Variants in SLC13A3 observed in about 807,000 individuals in gnomAD.
SLC13A3 encodes the protein Na(+)/dicarboxylate cotransporter 3.
In SLC13A3, 40 loss-of-function variants were observed where a neutral mutation model predicts 59.0. The observed-to-expected ratio is 0.68, with a 90% CI of 0.53 to 0.88. The LOEUF (loss-of-function observed/expected upper bound fraction) is 0.88, where lower values mean the gene tolerates loss of function less well. SLC13A3 is among the 40% of genes least tolerant of loss of function. SLC13A3 has a pLI of 0.00. For synonymous variants in SLC13A3, 317 were observed against 330.3 expected, an observed-to-expected ratio of 0.96 and a Z score of 0.44; for missense variants, 699 against 783.2, an observed-to-expected ratio of 0.89 and a Z score of 1.28.
At chr20:46,575,547 T>C in intron 10 of SLC13A3, 26 bp downstream of exon 10, 1 of 1,414,982 alleles carries the variant, frequency 7.1e-7, no homozygotes, top group Non-Finnish European at 9.8e-7. Context: ...CTGTTCCTGC[T>C]GGTTGGGGGA....
At chr20:46,672,308 T>G (rs1016158684), upstream of SLC13A3, among the ~76,000 whole-genome samples, 1 of 152,244 alleles carries the variant, frequency 6.6e-6, no homozygotes, top group African/African-American at 2.4e-5. Context: ...GGGTTCCTGG[T>G]GCTGCACCGA....
At chr20:46,563,610 A>AAGAGAGAG (rs372567450) in intron 11 of SLC13A3, 59 bp from the exon 12 acceptor site, 1 of 560,472 alleles carries the variant, frequency 1.8e-6, no homozygotes, top group Non-Finnish European at 2.3e-6. Context: ...CGACCACAGC[A>AAGAGAGAG]AGAGGGAGAG....
At chr20:46,588,427 C>A (rs1054130439) in intron 7 of SLC13A3, among the ~76,000 whole-genome samples, 4 of 152,126 alleles carry the variant, frequency 2.6e-5, no homozygotes, top group African/African-American at 9.7e-5. Context: ...TCGCGTGTTT[C>A]ATTATCACCA....
At chr20:46,572,849 G>T (rs2062042104) in intron 10 of SLC13A3, among the ~76,000 whole-genome samples, 1 of 152,176 alleles carries the variant, frequency 6.6e-6, no homozygotes, top group African/African-American at 2.4e-5. Flanking sequence ...GGAAATCTGT[G>T]ATTCCAATCC....
At chr20:46,582,575 C>A in intron 9 of SLC13A3, 2 of 943,430 alleles carry the variant, frequency 2.1e-6, no homozygotes, top group Non-Finnish European at 2.5e-6. Flanking sequence ...TGCACCCCAG[C>A]CTGGGTGACA....
chr20:46,648,524 C>A (rs1025426697), intron 1 of SLC13A3, among the ~76,000 whole-genome samples: 2 of 152,078 alleles, frequency 1.3e-5, no homozygotes, highest in African/African-American at 4.8e-5. Flanking sequence ...GCAGTGACAT[C>A]TAGAGCCATA....
At chr20:46,612,281 G>A (rs1336455196) in intron 2 of SLC13A3, among the ~76,000 whole-genome samples, 1 of 151,708 alleles carries the variant, frequency 6.6e-6, no homozygotes, top group African/African-American at 2.4e-5. Flanking sequence ...ACAGGCATGC[G>A]CCACCACGCC....
At chr20:46,631,962 A>G (rs931812739) in intron 1 of SLC13A3, among the ~76,000 whole-genome samples, 3 of 152,250 alleles carry the variant, frequency 2.0e-5, no homozygotes, top group East Asian at 3.9e-4. Flanking sequence ...AGGAATTTTC[A>G]GGACACTGCC....
intron 1 of SLC13A3, among the ~76,000 whole-genome samples, chr20:46,617,018 C>T (rs1428165111): frequency 2.0e-5 from 3 of 152,160 alleles, no homozygotes; most frequent in Admixed American, 6.5e-5. Context: ...TTTATGTAAC[C>T]GGTTACCACC....
intron 9 of SLC13A3, 135 bp downstream of exon 9, chr20:46,583,437 A>G (rs554501845): frequency 1.1e-5 from 16 of 1,455,280 alleles, no homozygotes; most frequent in Non-Finnish European, 1.4e-5. Context: ...AGACAAGGCA[A>G]TGGCTCAGAC....
intron 1 of SLC13A3, among the ~76,000 whole-genome samples, chr20:46,640,382 G>A (rs373398953): frequency 3.3e-5 from 5 of 152,120 alleles, no homozygotes; most frequent in Admixed American, 6.5e-5. Context: ...TGGCCTCCCC[G>A]GCTCTGCTCC....
chr20:46,632,904 GATAGATAT>G (rs2062755650), intron 1 of SLC13A3, among the ~76,000 whole-genome samples: 1 of 2,548 alleles, frequency 3.9e-4, no homozygotes, highest in Non-Finnish European at 9.6e-4. Flanking sequence ...TAGATAGATA[GATAGATAT>G]ATCTATCTAT....
chr20:46,664,326 A>C (rs1358591782), intron 1 of SLC13A3, among the ~76,000 whole-genome samples: 1 of 152,196 alleles, frequency 6.6e-6, no homozygotes, highest in Non-Finnish European at 1.5e-5. Context: ...CTCCTGAGTT[A>C]GTACAGAATC....
intron 10 of SLC13A3, among the ~76,000 whole-genome samples, chr20:46,571,716 T>C (rs1248681887): frequency 6.6e-6 from 1 of 151,830 alleles, no homozygotes; most frequent in Non-Finnish European, 1.5e-5. Context: ...GTAGATGTGG[T>C]ATATAGGAAT....
chr20:46,623,013 G>T (rs897578569), intron 1 of SLC13A3, among the ~76,000 whole-genome samples: 3 of 152,128 alleles, frequency 2.0e-5, no homozygotes, highest in Non-Finnish European at 2.9e-5. Context: ...GGCTTCAATG[G>T]TAATTCTACC....
intron 1 of SLC13A3, among the ~76,000 whole-genome samples, chr20:46,636,116 T>C (rs920110406): frequency 1.3e-5 from 2 of 152,252 alleles, no homozygotes; most frequent in South Asian, 2.1e-4. Flanking sequence ...GCCACTGCTC[T>C]GCCTGTGGAG....
Position 46,566,398 on chromosome 20 carries a change from G to A in SLC13A3, c.1333-8C>T. 6.2e-7 allele frequency: 1 copy of A among 1,611,044 alleles called. No individual in the cohort carries two copies. On this transcript the variant is annotated splice_region_variant and splice_polypyrimidine_tract_variant and intron_variant, in intron 10 of 12. Coordinates refer to ENST00000279027, the MANE Select transcript of SLC13A3 (RefSeq NM_022829.6). ...TACAGACAGCCCCGATTCCTGCGGA[G>A]GGAAAGGCATTCCTTCATACCCCAG...
chr20:46,675,072 C>T (rs960375046), upstream of SLC13A3, among the ~76,000 whole-genome samples: 9 of 151,868 alleles, frequency 5.9e-5, no homozygotes, highest in Admixed American at 3.3e-4. Context: ...CTATGAAGGC[C>T]CTGAGATGTG....
At chr20:46,571,465 C>T (rs1336241824) in intron 10 of SLC13A3, among the ~76,000 whole-genome samples, 1 of 152,134 alleles carries the variant, frequency 6.6e-6, no homozygotes, top group Non-Finnish European at 1.5e-5. Context: ...CTGGTTTGAG[C>T]ACCCAGGGTA....
Sources: allele counts gnomAD v4.1 joint callset (sites outside exome capture counted in the v4.1 genomes callset), GRCh38; gene constraint gnomAD v4.1.1; transcripts MANE v1.5; gene names NCBI Gene and HGNC (gene_info 2026-07-23, HGNC 2026-07-21).